The following POLN variants were observed in gnomAD, a reference collection of about 807,000 sequenced individuals.
POLN encodes DNA polymerase nu.
A neutral mutation model predicts 113.5 loss-of-function variants in POLN; 108 were observed. That is an observed-to-expected ratio of 0.95 (90% CI 0.81 to 1.12). The LOEUF is 1.12. Ranked by LOEUF, POLN falls within the 50% of genes most tolerant of loss-of-function variation. The probability of loss-of-function intolerance (pLI) is 0.00; values close to 1 mark genes in which losing one functional copy is unlikely to be tolerated. For synonymous variants in POLN, 386 were observed against 391.5 expected (o/e 0.99, Z 0.17); for missense variants, 1,097 against 1,077.1 (o/e 1.02, Z -0.26).
chr4:2,157,792 A>G (rs892816945), intron 15 of POLN, 66 bp downstream of exon 15: 13 of 931,448 alleles, frequency 1.4e-5, no homozygotes, highest in Non-Finnish European at 1.8e-5. Flanking sequence ...CAAAGGTTCT[A>G]TATGTATCTG....
At chr4:2,221,539 T>C (rs929918196) in intron 3 of POLN, among the ~76,000 whole-genome samples, 1 of 152,170 alleles carries the variant, frequency 6.6e-6, no homozygotes, top group Non-Finnish European at 1.5e-5. Context: ...GGAAGGCTGA[T>C]CAAGGACTCA....
At chr4:2,073,718 T>C (rs1446515063) in intron 24 of POLN, among the ~76,000 whole-genome samples, 2 of 152,238 alleles carry the variant, frequency 1.3e-5, no homozygotes, top group East Asian at 3.8e-4. Context: ...CCTTTTGTGC[T>C]GTGTGACACT....
intron 19 of POLN, among the ~76,000 whole-genome samples, chr4:2,107,477 T>C (rs1275527414): frequency 6.6e-6 from 1 of 152,108 alleles, no homozygotes; most frequent in Admixed American, 6.6e-5. Context: ...CATTGAAGGC[T>C]TGGAGGGGTT....
intron 19 of POLN, among the ~76,000 whole-genome samples, chr4:2,101,804 A>T (rs1418349794): frequency 1.3e-5 from 2 of 152,356 alleles, no homozygotes; most frequent in East Asian, 3.9e-4. Flanking sequence ...CATGGGCTGC[A>T]GCCACCATCG....
intron 19 of POLN, among the ~76,000 whole-genome samples, chr4:2,102,858 C>T (rs1730962338): frequency 6.6e-6 from 1 of 152,194 alleles, no homozygotes; most frequent in Admixed American, 6.5e-5. Context: ...ACTACACGCA[C>T]TCAGAAACAA....
At chr4:2,082,825 A>G (rs541429388) in intron 21 of POLN, 2 of 152,330 alleles carry the variant, frequency 1.3e-5, no homozygotes, top group South Asian at 4.2e-4. Flanking sequence ...TGTGAATTTT[A>G]TGTTGTTGAA....
intron 6 of POLN, among the ~76,000 whole-genome samples, chr4:2,194,382 G>C (rs1733524890): frequency 1.3e-5 from 2 of 152,184 alleles, no homozygotes; most frequent in East Asian, 3.9e-4. Flanking sequence ...ATTTTGCTTG[G>C]ACTTGTTCCA....
At chr4:2,092,733 G>A (rs773755155) in intron 20 of POLN, among the ~76,000 whole-genome samples, 7 of 152,254 alleles carry the variant, frequency 4.6e-5, no homozygotes, top group Non-Finnish European at 1.0e-4. Flanking sequence ...CCGTTCAGAG[G>A]TATGTTATGT....
intron 7 of POLN, among the ~76,000 whole-genome samples, chr4:2,188,858 C>G (rs1309684567): frequency 1.3e-5 from 2 of 152,092 alleles, no homozygotes; most frequent in African/African-American, 4.8e-5. Context: ...ATCGAGGCAA[C>G]AAAAAGTCAA....
rs377432043 is a variant in POLN at position 2,105,166 on chromosome 4, C to T, written c.1983-9233G>A. Among the ~76,000 whole-genome samples the T allele has an allele frequency of 1.9e-3, 285 of 152,328 alleles. 2 individuals are homozygous for T. The highest frequency in any genetic ancestry group is 5.6e-3 in the African/African-American group (234 of 41,576). ...CTCACGTCTCGTGAAAGCACACCAC[C>T]CACCCTGCTGCTGGCCCCCAATTGC... On this transcript the variant is annotated intron_variant, in intron 19 of 25. Coordinates refer to ENST00000511885, the MANE Select transcript of POLN (RefSeq NM_181808.4).
intron 2 of POLN, among the ~76,000 whole-genome samples, chr4:2,233,999 AAC>A (rs1234698809): frequency 3.3e-5 from 5 of 152,224 alleles, no homozygotes; most frequent in Non-Finnish European, 7.3e-5. Flanking sequence ...GAAAGTATCC[AAC>A]AACAAAAAGC....
intron 8 of POLN, 79 bp from the exon 9 acceptor site, chr4:2,176,413 T>C: frequency 4.5e-6 from 5 of 1,118,064 alleles, no homozygotes; most frequent in Non-Finnish European, 5.1e-6. Context: ...CTGACATGAC[T>C]TGAAAAATGT....
intron 19 of POLN, among the ~76,000 whole-genome samples, chr4:2,098,637 A>G (rs1475540624): frequency 6.6e-6 from 1 of 152,216 alleles, no homozygotes. Flanking sequence ...ATGGTTACAT[A>G]GAGAAATATC....
intron 2 of POLN, among the ~76,000 whole-genome samples, chr4:2,235,420 T>C (rs181021852): frequency 6.6e-6 from 1 of 152,320 alleles, no homozygotes; most frequent in Non-Finnish European, 1.5e-5. Context: ...TGTGCAGCTG[T>C]GAGACATATA....
intron 17 of POLN, 78 bp downstream of exon 17, chr4:2,131,155 A>G: frequency 9.5e-7 from 1 of 1,057,204 alleles, no homozygotes; most frequent in South Asian, 1.4e-5. Flanking sequence ...AATGCACTCT[A>G]GCCTGGGTGA....
At chr4:2,187,643 A>G (rs1189922245) in intron 7 of POLN, among the ~76,000 whole-genome samples, 1 of 152,068 alleles carries the variant, frequency 6.6e-6, no homozygotes, top group African/African-American at 2.4e-5. Context: ...AAATATAACT[A>G]CCCTATATTA....
At chr4:2,206,550 A>T (rs890650969) in intron 5 of POLN, among the ~76,000 whole-genome samples, 3 of 152,248 alleles carry the variant, frequency 2.0e-5, no homozygotes, top group African/African-American at 7.2e-5. Context: ...CAAATTAGCA[A>T]GAAAAAAGCA....
At chr4:2,078,504 G>A (rs1339534829) in intron 23 of POLN, 3 of 729,816 alleles carry the variant, frequency 4.1e-6, no homozygotes, top group East Asian at 1.3e-4. Context: ...ACAGACTCTC[G>A]CTCTCGCCCA....
chr4:2,159,523 G>A (rs1406130842), intron 13 of POLN, among the ~76,000 whole-genome samples: 2 of 152,164 alleles, frequency 1.3e-5, no homozygotes, highest in East Asian at 1.9e-4. Context: ...CGTATAGCTC[G>A]ATAACTGCAT....
Sources: gnomAD v4.1 joint callset for allele counts (sites outside exome capture counted in the v4.1 genomes callset) on GRCh38, gnomAD v4.1.1 for gene constraint, MANE v1.5 for transcripts, NCBI Gene and HGNC (gene_info 2026-07-23, HGNC 2026-07-21) for gene names.